SPATA16: variants seen among roughly 807,000 people sequenced by gnomAD.
SPATA16 encodes spermatogenesis associated 16, also known as spermatogenesis-associated protein 16.
A neutral mutation model predicts 63.3 loss-of-function variants in SPATA16; 36 were observed. The ratio of observed to expected loss-of-function variants is 0.57; its 90% CI spans 0.44 to 0.75. SPATA16 has a LOEUF of 0.75. SPATA16 is among the 30% of genes least tolerant of loss of function. The probability of loss-of-function intolerance (pLI) is 0.00; values close to 1 mark genes in which losing one functional copy is unlikely to be tolerated. For missense variants in SPATA16, 646 were observed against 679.3 expected (o/e 0.95, Z 0.54); for synonymous variants, 203 against 216.7 (o/e 0.94, Z 0.56).
chr3:173,137,599 A>C lies in SPATA16; in HGVS notation c.-19+3504T>G, dbSNP rs563247844. Among the ~76,000 whole-genome samples, 124 of 152,246 alleles carry C rather than the reference A, an allele frequency of 8.1e-4. 1 individual carries two copies. The Middle Eastern group carries it at 0.01, about 13-fold the overall frequency. Reference sequence around the variant, plus strand: ...AATGGTGTCAATTTCAATGTATTTCAAGTCTTTTCTTTCAATCTGGTAATG... The same window carrying C: ...AATGGTGTCAATTTCAATGTATTTCCAGTCTTTTCTTTCAATCTGGTAATG... On this transcript the variant is annotated intron_variant, in intron 1 of 10. Transcript: ENST00000351008.
chr3:172,934,157 A>G (rs1223471720), intron 6 of SPATA16, among the ~76,000 whole-genome samples: 2 of 151,868 alleles, frequency 1.3e-5, no homozygotes, highest in African/African-American at 4.9e-5. Context: ...TAAATTCTAC[A>G]TCTCACAGAA....
chr3:172,939,697 T>C (rs1390734102), intron 6 of SPATA16, among the ~76,000 whole-genome samples: 1 of 152,222 alleles, frequency 6.6e-6, no homozygotes, highest in Non-Finnish European at 1.5e-5. Flanking sequence ...CCCCAGTTCC[T>C]GACACAGCTT....
Position 172,912,010 on chromosome 3 carries a change from C to G in SPATA16, c.1587+1651G>C, listed in dbSNP as rs552635928. Among the ~76,000 whole-genome samples the G allele has an allele frequency of 3.3e-5, 5 of 152,290 alleles. No individual in the cohort carries two copies. The South Asian group carries it at 1.0e-3, about 32-fold the overall frequency. ...AAATATACTCTAAAACATTCCAAAC[C>G]TAATTTATAAGTCCTTCTGTAATTT... is the stretch of plus-strand genomic sequence containing the variant. On this transcript the variant is annotated intron_variant, in intron 10 of 10. Transcript: ENST00000351008.
chr3:172,909,613 CT>C (rs1218495444), intron 10 of SPATA16, among the ~76,000 whole-genome samples: 1 of 152,196 alleles, frequency 6.6e-6, no homozygotes, highest in Non-Finnish European at 1.5e-5. Context: ...AGTGAACCAT[CT>C]TGGATTTCAG....
At chr3:173,104,681 G>T (rs1737578689) in intron 2 of SPATA16, among the ~76,000 whole-genome samples, 1 of 152,110 alleles carries the variant, frequency 6.6e-6, no homozygotes, top group African/African-American at 2.4e-5. Flanking sequence ...CTAGCACAGA[G>T]GATTACATCT....
rs189184381 is a variant in SPATA16, at chr3:172,891,277, A to G, written c.1588-1585T>C. 1.2e-4 allele frequency among the ~76,000 whole-genome samples: 19 copies of G among 152,342 alleles called. No individual in the cohort carries two copies. In the East Asian group the frequency reaches 3.7e-3, roughly 29 times the overall value. ...TAAGACAGTGAAATAATTGTTTTTA[A>G]ATATCCATTAGGTATCTGCTGTCTT... On this transcript the variant is annotated intron_variant, in intron 10 of 10. Transcript: ENST00000351008.
At chr3:173,027,194 T>C (rs1735471855) in intron 3 of SPATA16, among the ~76,000 whole-genome samples, 1 of 151,974 alleles carries the variant, frequency 6.6e-6, no homozygotes, top group African/African-American at 2.4e-5. Flanking sequence ...CAATGATTTT[T>C]AAATTTCAAT....
chr3:172,969,800 G>C (rs1380669467), intron 5 of SPATA16, among the ~76,000 whole-genome samples: 1 of 152,170 alleles, frequency 6.6e-6, no homozygotes, highest in Non-Finnish European at 1.5e-5. Flanking sequence ...TGATCGTGTG[G>C]CTTGCTTTGG....
intron 5 of SPATA16, among the ~76,000 whole-genome samples, chr3:172,969,916 A>C (rs1734009983): frequency 2.0e-5 from 3 of 152,206 alleles, no homozygotes; most frequent in Non-Finnish European, 4.4e-5. Context: ...AAGAACTTGC[A>C]TCAGGTAATC....
chr3:173,023,711 A>G (rs948524153), intron 3 of SPATA16, among the ~76,000 whole-genome samples: 1 of 151,686 alleles, frequency 6.6e-6, no homozygotes, highest in African/African-American at 2.4e-5. Flanking sequence ...GTTTTTTTAA[A>G]TAGAAGTTTT....
At chr3:173,049,605 G>A (rs775588602) in intron 2 of SPATA16, among the ~76,000 whole-genome samples, 24 of 152,128 alleles carry the variant, frequency 1.6e-4, no homozygotes, top group Non-Finnish European at 2.9e-4. Flanking sequence ...TAACATGATC[G>A]GTGATTAATT....
At chr3:172,935,864 C>T (rs1163511305) in intron 6 of SPATA16, among the ~76,000 whole-genome samples, 1 of 151,926 alleles carries the variant, frequency 6.6e-6, no homozygotes, top group African/African-American at 2.4e-5. Flanking sequence ...ACTCTCATGT[C>T]TAGGAATAAA....
At chr3:173,036,881 T>C (rs763228012) in intron 3 of SPATA16, among the ~76,000 whole-genome samples, 18 of 152,126 alleles carry the variant, frequency 1.2e-4, no homozygotes, top group Non-Finnish European at 2.7e-4. Flanking sequence ...TCATAAAATA[T>C]TTAACATGTA....
At chr3:173,094,035 T>TATG (rs552497427) in intron 2 of SPATA16, among the ~76,000 whole-genome samples, 374 of 140,804 alleles carry the variant, frequency 2.7e-3, no homozygotes, top group African/African-American at 9.7e-3. Flanking sequence ...TCTATTCAAT[T>TATG]CCTTTTTCTT....
chr3:172,927,088 T>C (rs1577092404), intron 6 of SPATA16, among the ~76,000 whole-genome samples: 2 of 152,328 alleles, frequency 1.3e-5, no homozygotes, highest in Admixed American at 1.3e-4. Flanking sequence ...ACCATTCCCC[T>C]TTTTAAGCCT....
intron 1 of SPATA16, among the ~76,000 whole-genome samples, chr3:173,122,341 T>G (rs1432437388): frequency 6.6e-6 from 1 of 152,204 alleles, no homozygotes; most frequent in Non-Finnish European, 1.5e-5. Context: ...GGAGTTTCTA[T>G]TGCTTCATAG....
chr3:172,935,142 A>G (rs1732952142), intron 6 of SPATA16, among the ~76,000 whole-genome samples: 1 of 152,232 alleles, frequency 6.6e-6, no homozygotes, highest in Non-Finnish European at 1.5e-5. Flanking sequence ...GGTATCAAAA[A>G]AGAAAATATA....
intron 10 of SPATA16, among the ~76,000 whole-genome samples, chr3:172,909,218 C>A (rs1345282490): frequency 6.6e-6 from 1 of 152,174 alleles, no homozygotes; most frequent in Non-Finnish European, 1.5e-5. Flanking sequence ...GACACACAAC[C>A]ACAGTCCTGC....
At chr3:173,001,264 AGTT>A (rs1343085852) in intron 4 of SPATA16, among the ~76,000 whole-genome samples, 2 of 91,746 alleles carry the variant, frequency 2.2e-5, no homozygotes, top group Non-Finnish European at 3.9e-5. Context: ...AATGCTTCTC[AGTT>A]GTTTTTTTTT....
Sources: allele counts gnomAD v4.1 joint callset (sites outside exome capture counted in the v4.1 genomes callset), GRCh38; gene constraint gnomAD v4.1.1; transcripts MANE v1.5; gene names NCBI Gene and HGNC (gene_info 2026-07-23, HGNC 2026-07-21).